The following ARL15 variants were observed in gnomAD, a reference collection of about 807,000 sequenced individuals.
The protein encoded by ARL15 is ADP-ribosylation factor-like protein 15.
A neutral mutation model predicts 25.2 loss-of-function variants in ARL15; 19 were observed. The observed-to-expected ratio is 0.75, with a 90% CI of 0.53 to 1.10. The LOEUF is 1.10. Among genes scored for constraint, ARL15 ranks in the 50% least tolerant of loss-of-function variants. ARL15 has a pLI of 0.00. For synonymous variants in ARL15, 94 were observed against 86.8 expected (o/e 1.08, Z -0.46); for missense variants, 220 against 246.0 (o/e 0.89, Z 0.71).
At chr5:53,976,878 A>G (rs1747943354) in intron 4 of ARL15, among the ~76,000 whole-genome samples, 1 of 152,214 alleles carries the variant, frequency 6.6e-6, no homozygotes, top group South Asian at 2.1e-4. Context: ...AACGAACTTC[A>G]TGGATTTTTC....
intron 4 of ARL15, among the ~76,000 whole-genome samples, chr5:54,011,403 T>C (rs1749238955): frequency 6.6e-6 from 1 of 152,208 alleles, no homozygotes; most frequent in Non-Finnish European, 1.5e-5. Context: ...TCTCCTGTAA[T>C]CAGAAGAGGT....
chr5:53,962,454 G>A lies in ARL15; in HGVS notation c.463-75741C>T, dbSNP rs959344052. On this transcript the variant is annotated intron_variant, in intron 4 of 4. Transcript: ENST00000504924. ...ATCTTCCATAATAATGATCCTGGGAGTTGGAAGCCAGCTCCAATTATCAAT... is the reference window on the plus strand; with the variant it reads ...ATCTTCCATAATAATGATCCTGGGAATTGGAAGCCAGCTCCAATTATCAAT... Among the ~76,000 whole-genome samples the A allele has an allele frequency of 3.3e-5, 5 of 152,090 alleles. 1 individual carries two copies. In the South Asian group the frequency reaches 1.0e-3, roughly 32 times the overall value.
intron 4 of ARL15, 75 bp downstream of exon 4, chr5:54,113,127 A>C: frequency 6.9e-7 from 1 of 1,445,962 alleles, no homozygotes; most frequent in Non-Finnish European, 9.5e-7. Flanking sequence ...AATTACATGC[A>C]TTTTTCCAGG....
chr5:54,038,751 A>G (rs1279419772), intron 4 of ARL15, among the ~76,000 whole-genome samples: 1 of 152,180 alleles, frequency 6.6e-6, no homozygotes, highest in Non-Finnish European at 1.5e-5. Context: ...TGATTCACAG[A>G]TATAAAATAA....
At chr5:54,247,615 A>G (rs1458721891) in intron 1 of ARL15, among the ~76,000 whole-genome samples, 1 of 152,160 alleles carries the variant, frequency 6.6e-6, no homozygotes, top group Non-Finnish European at 1.5e-5. Flanking sequence ...TTTAGAAACA[A>G]AGGCACATTG....
chr5:53,976,835 C>T (rs1045003587), intron 4 of ARL15, among the ~76,000 whole-genome samples: 5 of 152,084 alleles, frequency 3.3e-5, no homozygotes, highest in Non-Finnish European at 5.9e-5. Context: ...AGAAGACGGG[C>T]AGCCCCTTCA....
intron 1 of ARL15, among the ~76,000 whole-genome samples, chr5:54,276,548 G>A (rs1321879059): frequency 2.6e-5 from 4 of 152,124 alleles, no homozygotes; most frequent in Admixed American, 6.5e-5. Flanking sequence ...TCGTACTAAG[G>A]TGCTTATGGT....
At chr5:54,254,886 C>T (rs980546237) in intron 1 of ARL15, among the ~76,000 whole-genome samples, 1 of 152,238 alleles carries the variant, frequency 6.6e-6, no homozygotes, top group Non-Finnish European at 1.5e-5. Context: ...AGCAACTGTG[C>T]TCTCCTTTCT....
At chr5:54,163,646 C>T (rs1186206405) in intron 2 of ARL15, among the ~76,000 whole-genome samples, 4 of 151,778 alleles carry the variant, frequency 2.6e-5, no homozygotes, top group Non-Finnish European at 5.9e-5. Context: ...GTTTGTCCTT[C>T]AAGGAAATTG....
intron 4 of ARL15, among the ~76,000 whole-genome samples, chr5:53,990,040 C>A (rs566994452): frequency 6.6e-6 from 1 of 152,092 alleles, no homozygotes; most frequent in Admixed American, 6.5e-5. Flanking sequence ...TCAAAACCAG[C>A]CTGGGAAATG....
intron 4 of ARL15, among the ~76,000 whole-genome samples, chr5:53,960,784 G>A (rs1316094538): frequency 6.6e-6 from 1 of 152,134 alleles, no homozygotes; most frequent in Non-Finnish European, 1.5e-5. Context: ...TCAGGTCTCC[G>A]AACTCCCAGC....
intron 4 of ARL15, among the ~76,000 whole-genome samples, chr5:53,977,647 T>C (rs1002316953): frequency 2.0e-5 from 3 of 152,202 alleles, no homozygotes; most frequent in Non-Finnish European, 4.4e-5. Flanking sequence ...TGATAGAAGA[T>C]ATCATATTTT....
rs1467759477 is a variant in ARL15 at position 53,900,970 on chromosome 5, CCAAA to C, written c.463-14261_463-14258del. ...TTTGAGCTATTCCTTTAATCTGTGT[CCAAA>C]CAAAGCATCTAATTCTTATTTCAGA... On this transcript the variant is annotated intron_variant, in intron 4 of 4. Transcript: ENST00000504924. Among the ~76,000 whole-genome samples the C allele has an allele frequency of 2.0e-5, 3 of 152,184 alleles. No individual in the cohort carries two copies. In the East Asian group the frequency reaches 5.8e-4, roughly 29 times the overall value.
At chr5:54,088,501 G>C (rs1410457086) in intron 4 of ARL15, among the ~76,000 whole-genome samples, 1 of 152,170 alleles carries the variant, frequency 6.6e-6, no homozygotes, top group Non-Finnish European at 1.5e-5. Flanking sequence ...CTTGCCCACT[G>C]TTAGCATGAA....
At chr5:54,014,420 G>A (rs1749345417) in intron 4 of ARL15, among the ~76,000 whole-genome samples, 1 of 152,056 alleles carries the variant, frequency 6.6e-6, no homozygotes, top group Non-Finnish European at 1.5e-5. Flanking sequence ...GTTAATCTCT[G>A]TTCTTCATCC....
At chr5:53,985,159 C>T (rs923715621) in intron 4 of ARL15, among the ~76,000 whole-genome samples, 2 of 152,142 alleles carry the variant, frequency 1.3e-5, no homozygotes, top group African/African-American at 4.8e-5. Context: ...CCCAATTCTA[C>T]ATAATCAACC....
At chr5:54,173,732 C>A (rs1298089347) in intron 1 of ARL15, among the ~76,000 whole-genome samples, 1 of 152,082 alleles carries the variant, frequency 6.6e-6, no homozygotes, top group Non-Finnish European at 1.5e-5. Context: ...AAGAGAAAAT[C>A]TGACCATACG....
intron 1 of ARL15, among the ~76,000 whole-genome samples, chr5:54,237,831 T>C (rs970487149): frequency 1.3e-5 from 2 of 152,292 alleles, no homozygotes; most frequent in African/African-American, 4.8e-5. Flanking sequence ...TAATGTAGCA[T>C]GTCAAAAAGC....
intron 4 of ARL15, among the ~76,000 whole-genome samples, chr5:53,977,666 C>A (rs1430711588): frequency 6.6e-6 from 1 of 152,076 alleles, no homozygotes; most frequent in Non-Finnish European, 1.5e-5. Flanking sequence ...TTGAAAGATA[C>A]CAGCACAAAA....
Sources: allele counts gnomAD v4.1 joint callset (sites outside exome capture counted in the v4.1 genomes callset), GRCh38; gene constraint gnomAD v4.1.1; transcripts MANE v1.5; gene names NCBI Gene and HGNC (gene_info 2026-07-23, HGNC 2026-07-21).